BRD10: variants seen among roughly 807,000 people sequenced by gnomAD.
BRD10 encodes the protein uncharacterized bromodomain-containing protein 10.
At chr9:5,979,343 G>A in the BRD10 span, among the ~76,000 whole-genome samples, 4 of 152,038 alleles carry the variant, frequency 2.6e-5, no homozygotes, top group Admixed American at 6.6e-5. Flanking sequence ...GTGAGACCTC[G>A]TCTTTACGAA....
At chr9:5,965,857 T>C in the BRD10 span, among the ~76,000 whole-genome samples, 7 of 152,208 alleles carry the variant, frequency 4.6e-5, no homozygotes, top group Non-Finnish European at 8.8e-5. Flanking sequence ...TCACACCTAA[T>C]AAAGAAGAAC....
chr9:5,975,675 A>G, the BRD10 span, among the ~76,000 whole-genome samples: 1 of 152,138 alleles, frequency 6.6e-6, no homozygotes, highest in Non-Finnish European at 1.5e-5. Context: ...GAAGACAGAG[A>G]GAGAAACTGT....
the BRD10 span, among the ~76,000 whole-genome samples, chr9:6,001,916 C>A: frequency 1.3e-5 from 2 of 152,198 alleles, no homozygotes; most frequent in African/African-American, 4.8e-5. Flanking sequence ...ATTATGTTTT[C>A]CCAATTTGTA....
At chr9:5,923,174 T>C in the BRD10 span, 7 of 1,613,928 alleles carry the variant, frequency 4.3e-6, no homozygotes, top group Non-Finnish European at 5.9e-6. Context: ...TGTGCTGTCA[T>C]CCACATAATC....
chr9:5,893,654 C>G, the BRD10 span, among the ~76,000 whole-genome samples: 1 of 152,172 alleles, frequency 6.6e-6, no homozygotes, highest in East Asian at 1.9e-4. Context: ...ATCGTTTCAG[C>G]TTGTGTATAA....
At chr9:5,919,674 T>C in the BRD10 span, 1 of 1,584,342 alleles carries the variant, frequency 6.3e-7, no homozygotes, top group Non-Finnish European at 8.6e-7. Flanking sequence ...CTGGCTCTTT[T>C]AGTCTAAATT....
chr9:5,966,661 T>C, the BRD10 span, among the ~76,000 whole-genome samples: 1 of 151,868 alleles, frequency 6.6e-6, no homozygotes, highest in African/African-American at 2.4e-5. Context: ...GGTTTCACCA[T>C]ATTGGCCAGG....
At chr9:5,932,451 A>G in the BRD10 span, among the ~76,000 whole-genome samples, 2 of 152,208 alleles carry the variant, frequency 1.3e-5, no homozygotes, top group African/African-American at 4.8e-5. Flanking sequence ...TGTCTACACT[A>G]AACACATACA....
the BRD10 span, among the ~76,000 whole-genome samples, chr9:5,977,318 G>A: frequency 1.3e-5 from 2 of 152,138 alleles, no homozygotes; most frequent in African/African-American, 2.4e-5. Context: ...CTCAGACTAT[G>A]AATACTAAAG....
the BRD10 span, chr9:5,921,062 G>A: frequency 1.2e-6 from 2 of 1,613,886 alleles, no homozygotes; most frequent in Non-Finnish European, 8.5e-7. Flanking sequence ...TCTTGCTGAA[G>A]AAACCACTGA....
chr9:5,969,454 A>G, the BRD10 span: 9 of 1,424,296 alleles, frequency 6.3e-6, 1 homozygote, highest in Middle Eastern at 9.0e-4. Flanking sequence ...AATTTAACAA[A>G]TTATACTATT....
the BRD10 span, among the ~76,000 whole-genome samples, chr9:5,912,525 C>T: frequency 3.9e-5 from 6 of 152,126 alleles, no homozygotes; most frequent in African/African-American, 9.7e-5. Flanking sequence ...ATACTGAAAT[C>T]CAGGGCTGTT....
chr9:5,967,412 G>A, the BRD10 span, among the ~76,000 whole-genome samples: 145 of 152,060 alleles, frequency 9.5e-4, no homozygotes, highest in South Asian at 1.7e-3. Context: ...AATATATAGG[G>A]CATTTAAATT....
chr9:5,946,598 A>C, the BRD10 span, among the ~76,000 whole-genome samples: 1 of 152,042 alleles, frequency 6.6e-6, no homozygotes, highest in African/African-American at 2.4e-5. Flanking sequence ...TACTATTATG[A>C]TGACGGTGTC....
chr9:5,999,340 C>T, the BRD10 span, among the ~76,000 whole-genome samples: 1 of 151,772 alleles, frequency 6.6e-6, no homozygotes, highest in African/African-American at 2.4e-5. Flanking sequence ...AGGATTTCTG[C>T]TATATATAAA....
the BRD10 span, among the ~76,000 whole-genome samples, chr9:5,951,064 A>C: frequency 3.3e-5 from 5 of 150,872 alleles, no homozygotes; most frequent in African/African-American, 9.8e-5. Flanking sequence ...ACACACACAC[A>C]CACACACACA....
At chr9:5,921,086 G>T in the BRD10 span, 1 of 1,613,846 alleles carries the variant, frequency 6.2e-7, no homozygotes, top group Non-Finnish European at 8.5e-7. Context: ...ATTAACAGGG[G>T]TAATATTCTG....
chr9:5,986,746 G>A, the BRD10 span, among the ~76,000 whole-genome samples: 1 of 152,106 alleles, frequency 6.6e-6, no homozygotes, highest in African/African-American at 2.4e-5. Flanking sequence ...ATTTAACAGA[G>A]GGTTTTCCTC....
At chr9:5,965,676 T>C in the BRD10 span, among the ~76,000 whole-genome samples, 7 of 152,296 alleles carry the variant, frequency 4.6e-5, no homozygotes, top group Admixed American at 3.9e-4. Context: ...TCAAAACAAA[T>C]CTATTATCAG....
Sources: allele counts gnomAD v4.1 joint callset (sites outside exome capture counted in the v4.1 genomes callset), GRCh38; gene constraint gnomAD v4.1.1; transcripts MANE v1.5; gene names NCBI Gene and HGNC (gene_info 2026-07-23, HGNC 2026-07-21).